TAF3: variants seen among roughly 807,000 people sequenced by gnomAD.
The protein encoded by TAF3 is TATA-box binding protein associated factor 3.
Under a neutral mutation model 80.6 loss-of-function variants are expected in TAF3, and 7 were observed. The ratio of observed to expected loss-of-function variants is 0.09; its 90% confidence interval spans 0.05 to 0.16. The LOEUF (loss-of-function observed/expected upper bound fraction) is 0.16. Ranked by LOEUF, TAF3 falls within the 10% of genes least tolerant of loss-of-function variation. TAF3 has a pLI of 1.00. For synonymous variants in TAF3, 444 were observed against 446.1 expected, an observed-to-expected ratio of 1.00 and a Z score of 0.06; for missense variants, 921 against 1,140.2, an observed-to-expected ratio of 0.81 and a Z score of 2.77.
chr10:7,876,439 A>G (rs1047513380), intron 2 of TAF3, among the ~76,000 whole-genome samples: 2 of 152,170 alleles, frequency 1.3e-5, no homozygotes, highest in African/African-American at 4.8e-5. Context: ...TAAAGTACAT[A>G]TTGTTTTCTA....
chr10:7,892,400 G>A (rs115949976), intron 2 of TAF3, among the ~76,000 whole-genome samples: 1,719 of 152,274 alleles, frequency 0.011, 32 homozygotes, highest in African/African-American at 0.039. Context: ...GAACCATAAT[G>A]TACTTTTCTT....
At chr10:7,959,724 C>T (rs1385441255) in intron 2 of TAF3, among the ~76,000 whole-genome samples, 1 of 152,218 alleles carries the variant, frequency 6.6e-6, no homozygotes, top group Non-Finnish European at 1.5e-5. Context: ...CCAAGCCTCA[C>T]ATTCTTCCTT....
chr10:7,822,793 T>C (rs956107580), intron 1 of TAF3, among the ~76,000 whole-genome samples: 5 of 152,136 alleles, frequency 3.3e-5, no homozygotes, highest in Non-Finnish European at 2.9e-5. Context: ...AATCAGAAAA[T>C]GGAATTTTCA....
At chr10:7,855,603 C>G (rs1326992808) in intron 2 of TAF3, among the ~76,000 whole-genome samples, 1 of 152,202 alleles carries the variant, frequency 6.6e-6, no homozygotes, top group Non-Finnish European at 1.5e-5. Context: ...TCCGATTCCT[C>G]TACAGTGGAG....
rs554487130 is a variant in TAF3 at position 7,893,290 on chromosome 10, G to T, written c.409+68730G>T. Among the ~76,000 whole-genome samples the T allele has an allele frequency of 2.1e-3, 327 of 152,276 alleles. 1 individual carries two copies. Among genetic ancestry groups the T allele is most frequent in the Middle Eastern group, 0.014 (4 of 294 alleles). On this transcript the variant is annotated intron_variant, in intron 2 of 6. Coordinates refer to ENST00000344293, the MANE Select transcript of TAF3 (RefSeq NM_031923.4). ...AGAAAGCTTTGTTATTTAATAATCAGTTACTAATGATGAATTAGTACAAGC... is the reference window on the plus strand; with the variant it reads ...AGAAAGCTTTGTTATTTAATAATCATTTACTAATGATGAATTAGTACAAGC...
Position 7,863,706 on chromosome 10 carries a change from CACATATATATATACACATATATATAT to C in TAF3, c.409+39150_409+39175del, listed in dbSNP as rs1252471630. Among the ~76,000 whole-genome samples the C allele has an allele frequency of 3.8e-3, 342 of 90,888 alleles. 40 individuals are homozygous for C. Among genetic ancestry groups the C allele is most frequent in the African/African-American group, 0.013 (311 of 23,058 alleles). The allele number at this position is 90,888 out of a possible 152,430, so 59.6% of individuals were successfully genotyped here. On this transcript the variant is annotated intron_variant, in intron 2 of 6. Coordinates refer to ENST00000344293, the MANE Select transcript of TAF3 (RefSeq NM_031923.4). ...ATATACACACACATATATATATATA[CACATATATATATACACATATATATAT>C]ACACATATATATATACACATATATA... is the stretch of plus-strand genomic sequence containing the variant.
At chr10:7,838,366 T>TGTTG (rs1554775942) in intron 2 of TAF3, among the ~76,000 whole-genome samples, 2 of 151,516 alleles carry the variant, frequency 1.3e-5, no homozygotes, top group Non-Finnish European at 2.9e-5. Flanking sequence ...TTTGTTTTTT[T>TGTTG]TTGTTGTTGT....
chr10:7,833,164 A>G (rs1378883554), intron 2 of TAF3, among the ~76,000 whole-genome samples: 1 of 152,218 alleles, frequency 6.6e-6, no homozygotes, highest in Non-Finnish European at 1.5e-5. Flanking sequence ...GCTGCAGTGA[A>G]CTTGGGAGAG....
At chr10:7,851,146 A>G (rs1449177172) in intron 2 of TAF3, among the ~76,000 whole-genome samples, 1 of 145,190 alleles carries the variant, frequency 6.9e-6, no homozygotes, top group African/African-American at 2.6e-5. Flanking sequence ...AAGGAGAAAT[A>G]AAAATGCTAG....
intron 2 of TAF3, among the ~76,000 whole-genome samples, chr10:7,949,018 GGCTGCTGCCGCC>G (rs1353146206): frequency 1.3e-5 from 2 of 152,254 alleles, no homozygotes; most frequent in East Asian, 1.9e-4. Flanking sequence ...AGCTGTGCCC[GGCTGCTGCCGCC>G]GCTGCTGACA....
rs1831929770 is a variant in TAF3 at position 8,000,240 on chromosome 10, CTG to C, written c.2316-8837_2316-8836del. 3.9e-5 allele frequency among the ~76,000 whole-genome samples: 6 copies of C among 152,156 alleles called. No homozygotes were observed. The South Asian group carries it at 1.0e-3, about 26-fold the overall frequency. ...CAAGCGATTCTCTAGCCTCAGCCTCCTGAGTAGCTAGGATTACAGGCATGCAC... is the reference window on the plus strand; with the variant it reads ...CAAGCGATTCTCTAGCCTCAGCCTCCAGTAGCTAGGATTACAGGCATGCAC... On this transcript the variant is annotated intron_variant, in intron 4 of 6. Transcript: ENST00000344293.
At chr10:7,968,179 A>G (rs1486522496) in intron 3 of TAF3, among the ~76,000 whole-genome samples, 1 of 152,226 alleles carries the variant, frequency 6.6e-6, no homozygotes, top group African/African-American at 2.4e-5. Context: ...AGCTTTATGT[A>G]AGGCACCAAA....
chr10:7,978,134 C>T (rs974642738), intron 4 of TAF3, among the ~76,000 whole-genome samples: 1 of 151,948 alleles, frequency 6.6e-6, no homozygotes, highest in African/African-American at 2.4e-5. Context: ...CCTTACTTTT[C>T]CCATTAAGCC....
intron 2 of TAF3, among the ~76,000 whole-genome samples, chr10:7,845,967 T>G (rs975432395): frequency 1.3e-4 from 19 of 150,622 alleles, no homozygotes; most frequent in African/African-American, 2.4e-4. Flanking sequence ...TTGTTTTTTT[T>G]TTTTTTTTTT....
chr10:7,824,037 A>G (rs1034007232), intron 1 of TAF3, among the ~76,000 whole-genome samples: 11 of 152,008 alleles, frequency 7.2e-5, no homozygotes, highest in African/African-American at 2.4e-4. Flanking sequence ...GCTTTTGATC[A>G]TCTGTAAACT....
intron 2 of TAF3, among the ~76,000 whole-genome samples, chr10:7,903,480 T>C (rs1170945559): frequency 6.6e-6 from 1 of 152,194 alleles, no homozygotes; most frequent in East Asian, 1.9e-4. Flanking sequence ...TTTAGCAAAA[T>C]TTAAAATTTT....
chr10:7,949,047 C>CT (rs1838056577), intron 2 of TAF3, among the ~76,000 whole-genome samples: 1 of 152,212 alleles, frequency 6.6e-6, no homozygotes, highest in Non-Finnish European at 1.5e-5. Flanking sequence ...GACAGCCGCT[C>CT]TCGGGTCAAC....
intron 3 of TAF3, chr10:7,975,024 A>G (rs1831657139): frequency 4.8e-6 from 1 of 208,994 alleles, no homozygotes. Context: ...CAGTGAGCCA[A>G]GATTGCCACT....
At chr10:7,894,479 G>A (rs182480574) in intron 2 of TAF3, among the ~76,000 whole-genome samples, 134 of 152,318 alleles carry the variant, frequency 8.8e-4, no homozygotes, top group African/African-American at 3.0e-3. Context: ...GTAGTGTGAT[G>A]CGTCAGTGAC....
Sources: gnomAD v4.1 joint callset for allele counts (sites outside exome capture counted in the v4.1 genomes callset) on GRCh38, gnomAD v4.1.1 for gene constraint, MANE v1.5 for transcripts, NCBI Gene and HGNC (gene_info 2026-07-23, HGNC 2026-07-21) for gene names.